The following AAK1 variants were observed in gnomAD, a reference collection of about 807,000 sequenced individuals.
AAK1 encodes AP2-associated protein kinase 1.
A neutral mutation model predicts 116.0 loss-of-function variants in AAK1; 37 were observed. The observed-to-expected ratio is 0.32, with a 90% confidence interval of 0.25 to 0.42. The LOEUF (loss-of-function observed/expected upper bound fraction) is 0.42, where lower values mean the gene tolerates loss of function less well. Ranked by LOEUF, AAK1 falls within the 10% of genes least tolerant of loss-of-function variation. The pLI, the probability that AAK1 is intolerant of heterozygous loss-of-function variation, is 1.00. For missense variants in AAK1, 919 were observed against 1,170.6 expected (o/e 0.79, Z 3.14); for synonymous variants, 458 against 439.9 (o/e 1.04, Z -0.51).
At chr2:69,583,774 G>A (rs1672644125) in intron 2 of AAK1, among the ~76,000 whole-genome samples, 1 of 152,142 alleles carries the variant, frequency 6.6e-6, no homozygotes, top group Non-Finnish European at 1.5e-5. Flanking sequence ...TAGGTGCCAT[G>A]AGCATTGTGG....
At chr2:69,517,307 A>C (rs1676622007) in intron 12 of AAK1, among the ~76,000 whole-genome samples, 1 of 152,188 alleles carries the variant, frequency 6.6e-6, no homozygotes, top group Non-Finnish European at 1.5e-5. Context: ...GAAAACGTCC[A>C]GCCCTCAAAT....
chr2:69,595,941 C>T (rs1235391112), intron 2 of AAK1, among the ~76,000 whole-genome samples: 1 of 152,186 alleles, frequency 6.6e-6, no homozygotes, highest in Non-Finnish European at 1.5e-5. Context: ...TCCTAGGGCA[C>T]TTAAGAGTTA....
chr2:69,502,164 AAGAT>A, intron 16 of AAK1, among the ~76,000 whole-genome samples: 1 of 152,254 alleles, frequency 6.6e-6, no homozygotes, highest in African/African-American at 2.4e-5. Flanking sequence ...CAGATATTAA[AAGAT>A]ATATATATAT....
chr2:69,622,315 C>G (rs527399270), intron 2 of AAK1, among the ~76,000 whole-genome samples: 2 of 152,210 alleles, frequency 1.3e-5, no homozygotes, highest in Non-Finnish European at 2.9e-5. Flanking sequence ...AGCCTTCCCC[C>G]CTCCCCCGCC....
chr2:69,520,808 AG>A, intron 11 of AAK1, 25 bp downstream of exon 11: 1 of 1,525,534 alleles, frequency 6.6e-7, no homozygotes, highest in South Asian at 1.3e-5. Context: ...AGGTGTATTG[AG>A]TTTCAAACCA....
chr2:69,484,980 G>A lies in AAK1; in HGVS notation c.2366-2168C>T, dbSNP rs77736150. ...CACAGGGCACTAACCAAGTATACAA[G>A]TGTAATTATATTAGCATTAACCTTA... On this transcript the variant is annotated intron_variant, in intron 17 of 21. Coordinates refer to ENST00000409085, the MANE Select transcript of AAK1 (RefSeq NM_014911.5). Among the ~76,000 whole-genome samples the A allele has an allele frequency of 4.4e-4, 67 of 152,088 alleles. 1 individual carries two copies. The East Asian group carries it at 0.011, about 24-fold the overall frequency.
intron 2 of AAK1, among the ~76,000 whole-genome samples, chr2:69,642,498 C>T (rs898787140): frequency 6.6e-6 from 1 of 152,012 alleles, no homozygotes; most frequent in Non-Finnish European, 1.5e-5. Flanking sequence ...TAAAAGTCCC[C>T]CCACCCTTCA....
Position 69,467,334 on chromosome 2 carries a change from A to G in AAK1, c.*8535T>C. ...TTAGCAAACTCCAATATACTAGTCT[A>G]TTTCTATCTAGGTAGAGGTGCCTCA... is the stretch of plus-strand genomic sequence containing the variant. On this transcript the variant is annotated 3_prime_UTR_variant, in exon 22 of 22. Coordinates refer to ENST00000409085, the MANE Select transcript of AAK1 (RefSeq NM_014911.5). 1.0e-6 allele frequency: 1 copy of G among 985,458 alleles called. No homozygotes were observed. The highest frequency in any genetic ancestry group is 1.2e-6 in the Non-Finnish European group (1 of 829,930). 61.0% of individuals were successfully genotyped at this position (985,458 alleles called of 1,614,324 possible). A position where few individuals can be genotyped will look rare whatever the true frequency, so the allele number is the denominator to read the frequency against.
At chr2:69,522,007 C>T in intron 10 of AAK1, among the ~76,000 whole-genome samples, 1 of 152,204 alleles carries the variant, frequency 6.6e-6, no homozygotes, top group African/African-American at 2.4e-5. Flanking sequence ...GCAGCTGTCA[C>T]TTTGGACTTT....
chr2:69,518,591 G>A (rs1007194036), intron 12 of AAK1, among the ~76,000 whole-genome samples: 2 of 151,948 alleles, frequency 1.3e-5, no homozygotes, highest in Non-Finnish European at 2.9e-5. Context: ...GCTAATTTTT[G>A]TATTTTTAGT....
chr2:69,640,047 A>ACTCTCTCTCTCTCT (rs1675638078), intron 2 of AAK1, among the ~76,000 whole-genome samples: 3 of 135,616 alleles, frequency 2.2e-5, no homozygotes, highest in South Asian at 2.3e-4. Flanking sequence ...ACACACACAC[A>ACTCTCTCTCTCTCT]CACACACTCT....
intron 16 of AAK1, chr2:69,500,128 T>C (rs1371955371): frequency 6.6e-6 from 1 of 152,218 alleles, no homozygotes; most frequent in Non-Finnish European, 1.5e-5. Context: ...GTTTCTCCTT[T>C]GATCAATCAG....
intron 2 of AAK1, among the ~76,000 whole-genome samples, chr2:69,638,939 G>A (rs1255593555): frequency 2.0e-5 from 3 of 152,306 alleles, no homozygotes; most frequent in Non-Finnish European, 4.4e-5. Context: ...ACCTAATACA[G>A]TGCCTGCCAC....
intron 3 of AAK1, among the ~76,000 whole-genome samples, chr2:69,554,064 C>T (rs562612795): frequency 2.0e-5 from 3 of 151,420 alleles, no homozygotes; most frequent in South Asian, 2.1e-4. Context: ...GTAACTGAGA[C>T]CCCATCTCAA....
intron 5 of AAK1, among the ~76,000 whole-genome samples, chr2:69,536,248 A>C (rs1183418189): frequency 1.3e-5 from 2 of 152,298 alleles, no homozygotes; most frequent in East Asian, 3.9e-4. Flanking sequence ...AAGCACACAG[A>C]CAGCAGACTG....
In AAK1 at chr2:69,527,250, A is replaced by T; in HGVS notation, c.941T>A (p.Leu314Gln). Residue 314 changes from leucine (L) to glutamine (Q), a missense_variant, in exon 9 of 22, where the codon CTA (leucine) becomes CAA (glutamine). This residue lies in a region of AAK1 where 317 missense variants were observed against 490.4 expected (regional missense o/e 0.65). Coordinates refer to ENST00000409085, the MANE Select transcript of AAK1 (RefSeq NM_014911.5). ...IYQVSYFSFKLLKKECPIPNV... is the reference protein window; with the variant it reads ...IYQVSYFSFKQLKKECPIPNV... ...TGGAATTGGGCACTCTTTCTTGAGT[A>T]GCTTAAATGAGAAGTAGGACACCTG... 1 of 1,609,178 alleles carries T rather than the reference A, an allele frequency of 6.2e-7. No homozygotes were observed.
At chr2:69,527,363 A>G (rs1394247542) in intron 8 of AAK1, 44 bp from the exon 9 acceptor site, 1 of 1,286,462 alleles carries the variant, frequency 7.8e-7, no homozygotes, top group South Asian at 1.3e-5. Flanking sequence ...TCCAACAGTT[A>G]TTACACTAGC....
chr2:69,495,902 G>A (rs1051133074), intron 17 of AAK1, 83 bp downstream of exon 17: 134 of 1,088,372 alleles, frequency 1.2e-4, no homozygotes, highest in Middle Eastern at 2.4e-4. Flanking sequence ...TCCTTTTCAC[G>A]GGGTATTTAA....
At chr2:69,478,154 C>T (rs7582735) in intron 20 of AAK1, among the ~76,000 whole-genome samples, 22,829 of 152,242 alleles carry the variant, frequency 0.15, 1,874 homozygotes, top group Non-Finnish European at 0.17. Context: ...CTTGCAAGGA[C>T]TGACTTTTGA....
Sources: gnomAD v4.1 joint callset for allele counts (sites outside exome capture counted in the v4.1 genomes callset) on GRCh38, gnomAD v4.1.1 for gene constraint, gnomAD v4.1.1 regional missense constraint, MANE v1.5 for transcripts, NCBI Gene and HGNC (gene_info 2026-07-23, HGNC 2026-07-21) for gene names.